The following POF1B variants were observed in gnomAD, a reference collection of about 807,000 sequenced individuals.
POF1B encodes POF1B actin binding protein, also known as protein POF1B.
In POF1B, 53 loss-of-function variants were observed where a neutral mutation model predicts 55.3. The observed-to-expected ratio is 0.96, with a 90% CI of 0.77 to 1.20. The LOEUF is 1.20. POF1B is among the 50% of genes most tolerant of loss of function. The pLI is 0.00. For synonymous variants in POF1B, 188 were observed against 148.3 expected, an observed-to-expected ratio of 1.27 and a Z score of -1.95; for missense variants, 478 against 420.5, an observed-to-expected ratio of 1.14 and a Z score of -1.20.
Position 85,279,386 on chromosome X carries a change from C to G in POF1B, c.*35G>C. The G allele has an allele frequency of 8.6e-7, 1 of 1,162,213 alleles. No homozygotes were observed. The highest frequency in any genetic ancestry group is 1.9e-5 in the South Asian group (1 of 52,831). ...CAGAGACACACACACAAAAAAAAAACGGCTTTGAGTTGTAATACTTTAAAG... is the reference window on the plus strand; with the variant it reads ...CAGAGACACACACACAAAAAAAAAAGGGCTTTGAGTTGTAATACTTTAAAG... On this transcript the variant is annotated 3_prime_UTR_variant, in exon 17 of 17. Coordinates refer to ENST00000262753, the MANE Select transcript of POF1B (RefSeq NM_024921.4).
chrX:85,317,088 G>A (rs1445020564), intron 7 of POF1B, among the ~76,000 whole-genome samples: 2 of 110,325 alleles, frequency 1.8e-5, no homozygotes, highest in East Asian at 5.8e-4. Flanking sequence ...CTATTCCATG[G>A]TGTAGATGTA....
At chrX:85,302,767 T>G (rs1266482026) in intron 15 of POF1B, among the ~76,000 whole-genome samples, 2 of 112,235 alleles carry the variant, frequency 1.8e-5, no homozygotes, top group African/African-American at 6.4e-5. Context: ...TGACTCATGC[T>G]AAATCATGCT....
At chrX:85,279,712 T>G (rs1246174079) in intron 16 of POF1B, among the ~76,000 whole-genome samples, 1 of 111,357 alleles carries the variant, frequency 9.0e-6, no homozygotes, top group African/African-American at 3.3e-5. Context: ...AATTGTCTCT[T>G]AATAAATATG....
chrX:85,336,737 T>C (rs941341162), intron 6 of POF1B, among the ~76,000 whole-genome samples: 2 of 111,537 alleles, frequency 1.8e-5, no homozygotes, highest in Non-Finnish European at 3.8e-5. Flanking sequence ...TATGCAAATA[T>C]TTTCTTTCAC....
intron 15 of POF1B, 129 bp from the exon 16 acceptor site, chrX:85,282,446 A>G: frequency 3.0e-6 from 1 of 335,448 alleles, no homozygotes. Flanking sequence ...ACTGTTACTG[A>G]AAAAACAAAA....
At chrX:85,344,906 C>T (rs1406181153) in intron 6 of POF1B, among the ~76,000 whole-genome samples, 3 of 111,488 alleles carry the variant, frequency 2.7e-5, no homozygotes, top group Non-Finnish European at 3.8e-5. Context: ...TGTGAGTCAC[C>T]GAACCTGGCT....
At chrX:85,283,917 A>C (rs1931971120) in intron 15 of POF1B, among the ~76,000 whole-genome samples, 1 of 111,377 alleles carries the variant, frequency 9.0e-6, no homozygotes, top group Non-Finnish European at 1.9e-5. Context: ...TTTTAAAAAA[A>C]ATGTAAAAAA....
intron 13 of POF1B, among the ~76,000 whole-genome samples, chrX:85,305,453 A>G (rs1400689579): frequency 9.0e-6 from 1 of 110,885 alleles, no homozygotes; most frequent in East Asian, 2.8e-4. Flanking sequence ...TCTGTTGAGT[A>G]ATTTCATATA....
chrX:85,352,668 T>C (rs751900721), intron 4 of POF1B, among the ~76,000 whole-genome samples: 2 of 111,550 alleles, frequency 1.8e-5, no homozygotes, highest in South Asian at 7.3e-4. Flanking sequence ...TTTGTGTTTG[T>C]TTGTTTGTTT....
intron 15 of POF1B, among the ~76,000 whole-genome samples, chrX:85,282,555 G>A (rs897589055): frequency 4.5e-5 from 5 of 111,354 alleles, no homozygotes; most frequent in African/African-American, 9.8e-5. Context: ...ATGGACGACT[G>A]GCAGCACAGG....
chrX:85,320,820 A>G (rs370821353), intron 7 of POF1B, among the ~76,000 whole-genome samples: 3 of 111,602 alleles, frequency 2.7e-5, no homozygotes, highest in South Asian at 3.7e-4. Context: ...ACACCTCTAC[A>G]CAAATAAACT....
intron 5 of POF1B, among the ~76,000 whole-genome samples, chrX:85,346,546 G>T (rs929997222): frequency 9.1e-6 from 1 of 109,589 alleles, no homozygotes; most frequent in African/African-American, 3.3e-5. Context: ...TTCTTAAAAA[G>T]ATTAAAAAAA....
chrX:85,345,835 T>A, intron 6 of POF1B, 25 bp downstream of exon 6: 1 of 1,157,291 alleles, frequency 8.6e-7, no homozygotes, highest in South Asian at 2.1e-5. Context: ...TTCAGTTTGT[T>A]AAGGAATCAG....
chrX:85,374,833 C>A (rs1041856939), intron 2 of POF1B, among the ~76,000 whole-genome samples: 1 of 112,234 alleles, frequency 8.9e-6, no homozygotes, highest in African/African-American at 3.2e-5. Flanking sequence ...TAGTTAAACA[C>A]CTGTCTGAGG....
chrX:85,319,647 T>A (rs1397504750), intron 7 of POF1B, among the ~76,000 whole-genome samples: 2 of 111,718 alleles, frequency 1.8e-5, no homozygotes, highest in Non-Finnish European at 3.8e-5. Flanking sequence ...TGTTTTCAGT[T>A]CTGTACATAT....
chrX:85,283,154 GA>G (rs1407712088), intron 15 of POF1B, among the ~76,000 whole-genome samples: 1 of 111,124 alleles, frequency 9.0e-6, no homozygotes, highest in Non-Finnish European at 1.9e-5. Flanking sequence ...ATACCCTAGC[GA>G]AAATCTAAAA....
intron 2 of POF1B, among the ~76,000 whole-genome samples, chrX:85,377,942 G>T (rs753558954): frequency 1.8e-5 from 2 of 111,934 alleles, no homozygotes; most frequent in African/African-American, 6.5e-5. Context: ...ATGATTTTAG[G>T]ATTCCTAAGA....
intron 3 of POF1B, among the ~76,000 whole-genome samples, chrX:85,361,245 C>A (rs1933612132): frequency 9.0e-6 from 1 of 111,593 alleles, no homozygotes; most frequent in Non-Finnish European, 1.9e-5. Flanking sequence ...TTTTATTTGT[C>A]AATTTTGCTT....
At chrX:85,353,084 G>A (rs904818677) in intron 4 of POF1B, among the ~76,000 whole-genome samples, 2 of 111,055 alleles carry the variant, frequency 1.8e-5, no homozygotes, top group Admixed American at 1.9e-4. Flanking sequence ...CTTATGGGAT[G>A]GAGTTCAGAG....
Sources: allele counts gnomAD v4.1 joint callset (sites outside exome capture counted in the v4.1 genomes callset), GRCh38; gene constraint gnomAD v4.1.1; transcripts MANE v1.5; gene names NCBI Gene and HGNC (gene_info 2026-07-23, HGNC 2026-07-21).